BIN3: variants seen among roughly 807,000 people sequenced by gnomAD.
The protein encoded by BIN3 is bridging integrator 3.
Under a neutral mutation model 38.2 loss-of-function variants are expected in BIN3, and 41 were observed. The ratio of observed to expected loss-of-function variants is 1.07; its 90% CI spans 0.84 to 1.39. BIN3 has a LOEUF of 1.39. BIN3 is among the 40% of genes most tolerant of loss of function. BIN3 has a pLI of 0.00. For missense variants in BIN3, 361 were observed against 324.3 expected, an observed-to-expected ratio of 1.11 and a Z score of -0.87; for synonymous variants, 145 against 122.6, an observed-to-expected ratio of 1.18 and a Z score of -1.21.
rs1481142696 is a variant in BIN3 at position 22,623,955 on chromosome 8, T to C, written c.575A>G (p.Asp192Gly). ...GGACTCAAAGCTGGGCTGGAAGTAG[T>C]CGAGGCGGCTGCCGTAGAAGCGCGG... ...EMPRFYGSRL[D>G]YFQPSFESLI... The change falls in exon 8 of 9, where the codon GAC becomes GGC. Residue 192 changes from aspartate to glycine, a missense_variant. Coordinates refer to ENST00000276416, the MANE Select transcript of BIN3 (RefSeq NM_018688.6). 6.2e-7 allele frequency: 1 copy of C among 1,611,228 alleles called. No individual in the cohort carries two copies. The highest frequency in any genetic ancestry group is 1.1e-5 in the South Asian group (1 of 90,804).
intron 1 of BIN3, among the ~76,000 whole-genome samples, chr8:22,648,107 C>T (rs1802769282): frequency 6.9e-6 from 1 of 144,704 alleles, no homozygotes; most frequent in African/African-American, 2.5e-5. Context: ...TACACTCCAG[C>T]CTGCGCGACA....
chr8:22,624,155 G>C (rs1554565153), intron 7 of BIN3, 67 bp downstream of exon 7: 18 of 1,589,646 alleles, frequency 1.1e-5, no homozygotes, highest in Non-Finnish European at 1.4e-5. Context: ...GGTGAGGGGA[G>C]GGACTTACCA....
intron 6 of BIN3, chr8:22,625,229 G>T: frequency 2.9e-6 from 2 of 685,120 alleles, no homozygotes; most frequent in Admixed American, 4.2e-5. Flanking sequence ...CTAGTGACCA[G>T]GAGCAGTGCT....
intron 2 of BIN3, among the ~76,000 whole-genome samples, chr8:22,641,851 GT>G (rs1802573113): frequency 6.6e-6 from 1 of 152,172 alleles, no homozygotes; most frequent in Admixed American, 6.5e-5. Flanking sequence ...ATCCTCCCAG[GT>G]TATGGAGGAA....
At chr8:22,630,881 A>C (rs969512738) in intron 4 of BIN3, among the ~76,000 whole-genome samples, 1 of 152,222 alleles carries the variant, frequency 6.6e-6, no homozygotes, top group African/African-American at 2.4e-5. Flanking sequence ...CTGGCTCCAA[A>C]GATTCTAATT....
intron 8 of BIN3, among the ~76,000 whole-genome samples, chr8:22,623,262 A>C (rs1038002839): frequency 2.0e-5 from 3 of 152,292 alleles, no homozygotes; most frequent in Admixed American, 2.0e-4. Context: ...TAAAGGCTTG[A>C]AGATGGAGGA....
At chr8:22,639,675 C>T (rs953990112) in intron 2 of BIN3, among the ~76,000 whole-genome samples, 6 of 152,314 alleles carry the variant, frequency 3.9e-5, no homozygotes, top group African/African-American at 1.4e-4. Flanking sequence ...CTGTGTTTTT[C>T]TCCTGCTCAC....
chr8:22,645,473 C>T (rs1037308893), intron 1 of BIN3, among the ~76,000 whole-genome samples: 1 of 150,178 alleles, frequency 6.7e-6, no homozygotes, highest in Non-Finnish European at 1.5e-5. Flanking sequence ...CAGAGGGAGA[C>T]CCTGTCTTTT....
At chr8:22,629,120 C>G (rs1031184072) in intron 6 of BIN3, among the ~76,000 whole-genome samples, 2 of 152,230 alleles carry the variant, frequency 1.3e-5, no homozygotes, top group African/African-American at 4.8e-5. Flanking sequence ...GCTCAGCAAT[C>G]CGAAACACCA....
chr8:22,644,485 A>AT (rs1182595778), intron 2 of BIN3: 2 of 442,152 alleles, frequency 4.5e-6, no homozygotes, highest in Admixed American at 3.4e-5. Context: ...TTCTAAAGCA[A>AT]TATCTTCCTC....
chr8:22,629,740 GGC>G (rs1287799298), intron 6 of BIN3: 1 of 583,086 alleles, frequency 1.7e-6, no homozygotes, highest in East Asian at 2.8e-5. Flanking sequence ...AGGGGGTGGT[GGC>G]AGGGGTACCC....
At chr8:22,646,841 T>C (rs138766657) in intron 1 of BIN3, among the ~76,000 whole-genome samples, 3 of 152,334 alleles carry the variant, frequency 2.0e-5, no homozygotes, top group African/African-American at 7.2e-5. Context: ...AGGATGGTTT[T>C]TGGACAGTGA....
intron 1 of BIN3, among the ~76,000 whole-genome samples, chr8:22,651,844 T>C (rs1333887542): frequency 6.6e-6 from 1 of 152,234 alleles, no homozygotes; most frequent in Non-Finnish European, 1.5e-5. Context: ...TTTATAATCT[T>C]CGGTTCTGAG....
intron 2 of BIN3, among the ~76,000 whole-genome samples, chr8:22,639,238 T>TG (rs1261032446): frequency 7.2e-5 from 11 of 152,152 alleles, no homozygotes; most frequent in Admixed American, 3.9e-4. Flanking sequence ...TAAGCATTTT[T>TG]TTTTTTTTTT....
chr8:22,622,858 G>A (rs766937910), intron 8 of BIN3, among the ~76,000 whole-genome samples: 1 of 152,216 alleles, frequency 6.6e-6, no homozygotes, highest in Admixed American at 6.5e-5. Flanking sequence ...GAAGGCTCTA[G>A]GTCTCACTGC....
intron 1 of BIN3, among the ~76,000 whole-genome samples, chr8:22,658,931 G>A (rs1803145551): frequency 6.6e-6 from 1 of 152,242 alleles, no homozygotes; most frequent in Non-Finnish European, 1.5e-5. Context: ...GTGGGCGAGA[G>A]GCAGCAGCTC....
chr8:22,644,837 AG>A, intron 1 of BIN3, 34 bp from the exon 2 acceptor site: 1 of 1,584,076 alleles, frequency 6.3e-7, no homozygotes, highest in South Asian at 1.1e-5. Flanking sequence ...AGATATTGTG[AG>A]AAGTGGGGAA....
At chr8:22,636,742 A>G in intron 3 of BIN3, 156 bp from the exon 4 acceptor site, 2 of 977,864 alleles carry the variant, frequency 2.0e-6, no homozygotes. Flanking sequence ...CCCAAAGGCT[A>G]TGAGTGAATG....
At chr8:22,646,595 A>G (rs1802721550) in intron 1 of BIN3, among the ~76,000 whole-genome samples, 1 of 152,186 alleles carries the variant, frequency 6.6e-6, no homozygotes, top group South Asian at 2.1e-4. Flanking sequence ...ACCCAGCCCC[A>G]TAATTTGGGA....
Sources: allele counts gnomAD v4.1 joint callset (sites outside exome capture counted in the v4.1 genomes callset), GRCh38; gene constraint gnomAD v4.1.1; transcripts MANE v1.5; gene names NCBI Gene and HGNC (gene_info 2026-07-23, HGNC 2026-07-21).